Variants in FAM222A observed in about 807,000 individuals in gnomAD.
The protein encoded by FAM222A is protein FAM222A.
In FAM222A, 7 loss-of-function variants were observed where a neutral mutation model predicts 25.8. That is an observed-to-expected ratio of 0.27 (90% CI 0.15 to 0.51). The LOEUF (loss-of-function observed/expected upper bound fraction) is 0.51. Ranked by LOEUF, FAM222A falls within the 20% of genes least tolerant of loss-of-function variation. The pLI is 0.97. For missense variants in FAM222A, 573 were observed against 640.5 expected (o/e 0.89, Z 1.14); for synonymous variants, 294 against 298.8 (o/e 0.98, Z 0.17).
At chr12:109,726,259 C>G (rs928031686) in intron 1 of FAM222A, among the ~76,000 whole-genome samples, 1 of 152,160 alleles carries the variant, frequency 6.6e-6, no homozygotes, top group Non-Finnish European at 1.5e-5. Flanking sequence ...GCATGCCAAG[C>G]ATGGGGCCTC....
intron 1 of FAM222A, among the ~76,000 whole-genome samples, chr12:109,726,888 A>C (rs1887853511): frequency 6.6e-6 from 1 of 152,158 alleles, no homozygotes; most frequent in Non-Finnish European, 1.5e-5. Context: ...GTGGTTGTGC[A>C]CTAGGCCCCA....
intron 2 of FAM222A, among the ~76,000 whole-genome samples, chr12:109,762,062 A>G (rs748129369): frequency 6.6e-6 from 1 of 151,756 alleles, no homozygotes; most frequent in Non-Finnish European, 1.5e-5. Context: ...CCTCCCTCCA[A>G]TCTGTACTCC....
rs1334391227 is a variant in FAM222A at position 109,769,046 on chromosome 12, G to T, written c.1117G>T (p.Gly373Trp). 4 of 1,587,456 alleles carry T rather than the reference G, an allele frequency of 2.5e-6. No individual in the cohort carries two copies. In the South Asian group the frequency reaches 4.5e-5, roughly 18 times the overall value. The change falls in exon 3 of 3, where the codon GGG (glycine) becomes TGG (tryptophan). Residue 373 changes from glycine (G) to tryptophan (W), a missense_variant. Physicochemically the swap from Gly to Trp is radical, Grantham distance 184 (BLOSUM62 -2). Around this residue, in one of 3 missense-constraint regions of FAM222A, gnomAD observed 412 missense variants for 407.0 expected, o/e 1.01. Coordinates refer to ENST00000538780, the MANE Select transcript of FAM222A (RefSeq NM_032829.3). The part of the protein sequence containing the change: ...PAAAVVVTEL[G>W]PGAARELAGP... ...GGCGGCGGTGGTGGTCACGGAGCTGGGGCCGGGGGCAGCCCGGGAGCTGGC... is the reference window on the plus strand; with the variant it reads ...GGCGGCGGTGGTGGTCACGGAGCTGTGGCCGGGGGCAGCCCGGGAGCTGGC...
In FAM222A at chr12:109,713,897, C is replaced by A. The variant is rs938002072; in HGVS notation, c.-1047C>A. 1.7e-4 allele frequency among the ~76,000 whole-genome samples: 25 copies of A among 146,948 alleles called. No individual in the cohort carries two copies. Among genetic ancestry groups the A allele is most frequent in the African/African-American group, 5.9e-4 (24 of 40,810 alleles). ...CCGCGGAGAGGCTGCGCGCGCCGGC[C>A]GGGGGAGGCGGACAGCCGGGCCCGG... On this transcript the variant is annotated 5_prime_UTR_variant, in exon 1 of 3. Transcript: ENST00000538780.
At chr12:109,716,220 G>A (rs1039158092) in intron 1 of FAM222A, among the ~76,000 whole-genome samples, 11 of 152,178 alleles carry the variant, frequency 7.2e-5, no homozygotes, top group African/African-American at 2.7e-4. Context: ...AGAACCCCCA[G>A]CAAGCATCCT....
chr12:109,767,614 A>G (rs886172139), intron 2 of FAM222A, among the ~76,000 whole-genome samples: 5 of 152,198 alleles, frequency 3.3e-5, no homozygotes, highest in Non-Finnish European at 7.3e-5. Flanking sequence ...CATAGTATGA[A>G]GTGACAGAAG....
intron 2 of FAM222A, among the ~76,000 whole-genome samples, chr12:109,749,372 C>G (rs915782463): frequency 6.6e-6 from 1 of 152,182 alleles, no homozygotes; most frequent in African/African-American, 2.4e-5. Context: ...TTCCAAAGTA[C>G]TGGGATTATG....
intron 2 of FAM222A, 185 bp downstream of exon 2, chr12:109,744,413 G>A: frequency 1.0e-6 from 1 of 985,394 alleles, no homozygotes; most frequent in Non-Finnish European, 1.2e-6. Flanking sequence ...CCACTCCTTT[G>A]GCCAGCTCCT....
intron 1 of FAM222A, chr12:109,722,657 C>G (rs1040694519): frequency 2.0e-5 from 3 of 152,336 alleles, no homozygotes; most frequent in Non-Finnish European, 4.4e-5. Context: ...TCCCCTTCAC[C>G]ACTCCCCTAC....
At chr12:109,737,969 A>G (rs1182554018) in intron 1 of FAM222A, among the ~76,000 whole-genome samples, 2 of 151,966 alleles carry the variant, frequency 1.3e-5, no homozygotes, top group Non-Finnish European at 2.9e-5. Flanking sequence ...GCGGGGTGGG[A>G]GAGAGAGGAA....
At chr12:109,735,560 G>A (rs1260688828) in intron 1 of FAM222A, 5 of 152,164 alleles carry the variant, frequency 3.3e-5, no homozygotes, top group East Asian at 1.9e-4. Context: ...TAGAGATACC[G>A]GGCCCCTCCC....
intron 2 of FAM222A, among the ~76,000 whole-genome samples, chr12:109,761,899 TG>T (rs1171070497): frequency 3.9e-5 from 6 of 152,118 alleles, no homozygotes; most frequent in African/African-American, 1.4e-4. Flanking sequence ...CCCTGAAGCC[TG>T]CCGGTTTGCA....
chr12:109,767,151 C>T (rs2136389771), intron 2 of FAM222A, among the ~76,000 whole-genome samples: 1 of 150,128 alleles, frequency 6.7e-6, no homozygotes, highest in African/African-American at 2.5e-5. Flanking sequence ...TCAAGCGATC[C>T]TTCCACTTCA....
At position 109,768,965 on chromosome 12, in the gene FAM222A, G is replaced by C. The variant is rs1467941093; in HGVS notation, c.1036G>C (p.Ala346Pro). The C allele has an allele frequency of 6.4e-7, 1 of 1,571,126 alleles. No individual in the cohort carries two copies. The highest frequency in any genetic ancestry group is 1.3e-5 in the African/African-American group (1 of 74,226). ...PTSFTVGQYF[A>P]APWNSVLVTP... The stretch of plus-strand genomic sequence containing the variant: ...CAGCTTCACCGTAGGCCAGTACTTT[G>C]CGGCCCCGTGGAACAGTGTGCTGGT... The change falls in exon 3 of 3, where the codon GCG becomes CCG. Residue 346 changes from alanine (A) to proline (P), a missense_variant. Physicochemically the swap from Ala to Pro is conservative, Grantham distance 27. Coordinates refer to ENST00000538780, the MANE Select transcript of FAM222A (RefSeq NM_032829.3).
intron 1 of FAM222A, among the ~76,000 whole-genome samples, chr12:109,719,852 G>A (rs191450461): frequency 3.3e-4 from 51 of 152,288 alleles, no homozygotes; most frequent in African/African-American, 1.2e-3. Context: ...GCATCTGAGA[G>A]GCAGGGGCCA....
chr12:109,768,419 G>A lies in FAM222A; in HGVS notation c.490G>A (p.Glu164Lys), dbSNP rs1303998585. The A allele has an allele frequency of 1.3e-6, 2 of 1,598,568 alleles. No homozygotes were observed. Among genetic ancestry groups the A allele is most frequent in the African/African-American group, 2.7e-5 (2 of 74,850 alleles). ...LGPLAYPKPPEAPAPPPGLPA... is the reference protein window; with the variant it reads ...LGPLAYPKPPKAPAPPPGLPA... ...TCCCTTGGCCTACCCCAAGCCACCT[G>A]AGGCGCCTGCTCCACCACCCGGCCT... The change falls in exon 3 of 3, where the codon GAG (glutamate) becomes AAG (lysine). Residue 164 changes from glutamate (E) to lysine (K), a missense_variant. Glu to Lys is a moderately conservative substitution (Grantham distance 56). Coordinates refer to ENST00000538780, the MANE Select transcript of FAM222A (RefSeq NM_032829.3).
In FAM222A at chr12:109,769,269, G is replaced by T; in HGVS notation, c.1340G>T (p.Arg447Leu). ...CTCGACCACCAGCATGCCCACATCC[G>T]CCTACCCGTCTACAGATAAGGCCTG... ...RLLDHQHAHIRLPVYR is the reference protein window; with the variant it reads ...RLLDHQHAHILLPVYR The change falls in exon 3 of 3, where the codon CGC becomes CTC. Residue 447 changes from arginine (R) to leucine (L), a missense_variant. This residue lies in a region of FAM222A where 49 missense variants were observed against 78.9 expected (regional missense o/e 0.62). Transcript: ENST00000538780. The T allele has an allele frequency of 6.2e-7, 1 of 1,610,444 alleles. No individual in the cohort carries two copies. Among genetic ancestry groups the T allele is most frequent in the South Asian group, 1.1e-5 (1 of 90,578 alleles).
intron 2 of FAM222A, 94 bp from the exon 3 acceptor site, chr12:109,767,917 TG>T: frequency 2.4e-6 from 3 of 1,237,362 alleles, no homozygotes; most frequent in South Asian, 3.0e-5. Flanking sequence ...GTAAAATGAA[TG>T]GGAAATGAGT....
intron 1 of FAM222A, among the ~76,000 whole-genome samples, chr12:109,715,736 C>T (rs1189878754): frequency 6.6e-6 from 1 of 152,192 alleles, no homozygotes; most frequent in Non-Finnish European, 1.5e-5. Context: ...GCCTGTGCCT[C>T]GGGGCTCAGG....
Sources: gnomAD v4.1 joint callset for allele counts (sites outside exome capture counted in the v4.1 genomes callset) on GRCh38, gnomAD v4.1.1 for gene constraint, gnomAD v4.1.1 regional missense constraint, MANE v1.5 for transcripts, NCBI Gene and HGNC (gene_info 2026-07-23, HGNC 2026-07-21) for gene names.